Variants in MARK2 observed in about 807,000 individuals in gnomAD.
The protein encoded by MARK2 is serine/threonine-protein kinase MARK2.
Under a neutral mutation model 89.8 loss-of-function variants are expected in MARK2, and 16 were observed. That is an observed-to-expected ratio of 0.18 (90% confidence interval 0.12 to 0.27). The LOEUF (loss-of-function observed/expected upper bound fraction) is 0.27. Ranked by LOEUF, MARK2 falls within the 10% of genes least tolerant of loss-of-function variation. The pLI, the probability that MARK2 is intolerant of heterozygous loss-of-function variation, is 1.00. For synonymous variants in MARK2, 382 were observed against 399.5 expected, an observed-to-expected ratio of 0.96 and a Z score of 0.52; for missense variants, 621 against 1,049.9, an observed-to-expected ratio of 0.59 and a Z score of 5.65.
chr11:63,887,342 C>T (rs1308291056), intron 1 of MARK2, among the ~76,000 whole-genome samples: 1 of 152,230 alleles, frequency 6.6e-6, no homozygotes, highest in African/African-American at 2.4e-5. Context: ...TTGGGCAAGT[C>T]TCATAACCTC....
intron 1 of MARK2, among the ~76,000 whole-genome samples, chr11:63,866,555 T>C (rs1938141561): frequency 6.6e-6 from 1 of 152,192 alleles, no homozygotes; most frequent in Non-Finnish European, 1.5e-5. Context: ...AAGAAATGTT[T>C]AGGTGCTGAA....
intron 1 of MARK2, chr11:63,869,364 A>G (rs1390810811): frequency 6.0e-6 from 1 of 167,626 alleles, no homozygotes; most frequent in Non-Finnish European, 1.3e-5. Flanking sequence ...TGAGAGAATC[A>G]TGCTGCAGGT....
intron 3 of MARK2, among the ~76,000 whole-genome samples, chr11:63,897,683 TTG>T (rs1474624254): frequency 6.6e-6 from 1 of 152,176 alleles, no homozygotes; most frequent in African/African-American, 2.4e-5. Context: ...GGAGGTGGAT[TTG>T]ATTAAAATTG....
chr11:63,859,682 A>T (rs2135235219), intron 1 of MARK2, among the ~76,000 whole-genome samples: 1 of 150,848 alleles, frequency 6.6e-6, no homozygotes, highest in Middle Eastern at 3.4e-3. Flanking sequence ...CCCAGGCTGG[A>T]GTGCGGTGGC....
At chr11:63,857,645 TG>T (rs1196568690) in intron 1 of MARK2, among the ~76,000 whole-genome samples, 1 of 152,218 alleles carries the variant, frequency 6.6e-6, no homozygotes, top group Non-Finnish European at 1.5e-5. Context: ...TTAAATGAAT[TG>T]ATACATATTT....
At chr11:63,891,811 AG>A (rs778398590) in intron 1 of MARK2, among the ~76,000 whole-genome samples, 32 of 152,172 alleles carry the variant, frequency 2.1e-4, no homozygotes, top group Non-Finnish European at 4.1e-4. Context: ...CAGCACTGAA[AG>A]GGAGGATGGG....
chr11:63,908,327 T>G (rs1361582203), intron 18 of MARK2, 23 bp downstream of exon 18: 1 of 1,552,170 alleles, frequency 6.4e-7, no homozygotes, highest in Non-Finnish European at 8.7e-7. Flanking sequence ...GAGCCAGCAC[T>G]GGCCCTGCCC....
At chr11:63,872,605 C>T (rs2135267687) in intron 1 of MARK2, among the ~76,000 whole-genome samples, 1 of 152,238 alleles carries the variant, frequency 6.6e-6, no homozygotes, top group African/African-American at 2.4e-5. Flanking sequence ...TAAACCTGCC[C>T]ACCTCCTGCT....
At chr11:63,898,432 C>A in intron 4 of MARK2, 152 bp downstream of exon 4, 1 of 936,022 alleles carries the variant, frequency 1.1e-6, no homozygotes, top group Non-Finnish European at 1.7e-6. Flanking sequence ...ATCTCCCCTT[C>A]TGGCACACTG....
chr11:63,909,357 C>A lies in MARK2; in HGVS notation c.*120C>A. On this transcript the variant is annotated 3_prime_UTR_variant, in exon 19 of 19. Transcript: ENST00000402010. The stretch of plus-strand genomic sequence containing the variant: ...TGGTGTGTCTCCCCTGCTGGCACTT[C>A]TCCCCTCCCTGGCCCTTCTCAGTTT... 9.4e-7 allele frequency: 1 copy of A among 1,064,308 alleles called. No individual in the cohort carries two copies. The allele number at this position is 1,064,308 out of a possible 1,614,324, so 65.9% of individuals were successfully genotyped here.
Position 63,876,453 on chromosome 11 carries a change from A to T in MARK2, c.55-18706A>T, listed in dbSNP as rs1009547281. On this transcript the variant is annotated intron_variant, in intron 1 of 18. Transcript: ENST00000402010. ...TGGTGTGGATATTTTGTAATTTCTG[A>T]TTCTTTACCTACTGTTTTCAAGACT... Among the ~76,000 whole-genome samples, 3 of 152,174 alleles carry T rather than the reference A, an allele frequency of 2.0e-5. No homozygotes were observed. The East Asian group carries it at 5.8e-4, about 29-fold the overall frequency.
intron 1 of MARK2, among the ~76,000 whole-genome samples, chr11:63,873,106 AG>A (rs1377537257): frequency 6.6e-6 from 1 of 151,988 alleles, no homozygotes; most frequent in East Asian, 1.9e-4. Context: ...CAGTCTCCTT[AG>A]GGGTGATGGT....
At chr11:63,895,121 G>A in intron 1 of MARK2, 38 bp from the exon 2 acceptor site, 2 of 1,579,140 alleles carry the variant, frequency 1.3e-6, no homozygotes, top group South Asian at 1.1e-5. Flanking sequence ...AGGACTGGAA[G>A]TGTGGCATGT....
At chr11:63,866,963 A>T (rs901939934) in intron 1 of MARK2, among the ~76,000 whole-genome samples, 4 of 152,144 alleles carry the variant, frequency 2.6e-5, no homozygotes, top group African/African-American at 9.7e-5. Flanking sequence ...ATTAGTATTC[A>T]TTCCTCCCTG....
intron 3 of MARK2, 71 bp downstream of exon 3, chr11:63,895,704 T>G (rs1206605685): frequency 1.5e-6 from 2 of 1,294,490 alleles, no homozygotes; most frequent in East Asian, 2.4e-5. Context: ...AGCCTCACTC[T>G]TGTCGCCCAG....
intron 1 of MARK2, among the ~76,000 whole-genome samples, chr11:63,879,815 A>G (rs950380115): frequency 6.6e-6 from 1 of 152,078 alleles, no homozygotes; most frequent in African/African-American, 2.4e-5. Context: ...TGGAGCAACA[A>G]ACTTTGTCCC....
At position 63,905,023 on chromosome 11, in the gene MARK2, C is replaced by T. The variant is rs768588454; in HGVS notation, c.1914C>T (p.Phe638=). The change falls in exon 16 of 19, where the codon TTC becomes TTT. Residue 638 remains phenylalanine, a synonymous_variant. Coordinates refer to ENST00000402010, the MANE Select transcript of MARK2 (RefSeq NM_001039469.3). ...CCTCTGGGAGCATCTTCAGCAAGTT[C>T]ACCTCCAAGTTTGTACGCAGGTAAG... The part of the protein sequence containing the change: ...RGASGSIFSK[F]TSKFVRRNLS... 6.2e-7 allele frequency: 1 copy of T among 1,611,768 alleles called. No homozygotes were observed. Among genetic ancestry groups the T allele is most frequent in the Non-Finnish European group, 8.5e-7 (1 of 1,178,506 alleles).
chr11:63,890,161 G>T, intron 1 of MARK2: 2 of 1,125,286 alleles, frequency 1.8e-6, no homozygotes, highest in Non-Finnish European at 2.4e-6. Context: ...GGCCCAAGAA[G>T]CATTTCTGTT....
chr11:63,901,273 C>A (rs181561436), intron 11 of MARK2, among the ~76,000 whole-genome samples: 2 of 152,048 alleles, frequency 1.3e-5, no homozygotes, highest in Admixed American at 6.6e-5. Flanking sequence ...CTGGTAGGGT[C>A]GGTGTGGGAC....
Sources: allele counts gnomAD v4.1 joint callset (sites outside exome capture counted in the v4.1 genomes callset), GRCh38; gene constraint gnomAD v4.1.1; transcripts MANE v1.5; gene names NCBI Gene and HGNC (gene_info 2026-07-23, HGNC 2026-07-21).